The following UNC5D variants were observed in gnomAD, a reference collection of about 807,000 sequenced individuals.
The protein encoded by UNC5D is netrin receptor UNC5D.
UNC5D carries 39 observed loss-of-function variants against 105.4 expected under a neutral mutation model. The ratio of observed to expected loss-of-function variants is 0.37; its 90% CI spans 0.29 to 0.48. The LOEUF is 0.48. Among genes scored for constraint, UNC5D ranks in the 20% least tolerant of loss-of-function variants. The pLI, the probability that UNC5D is intolerant of heterozygous loss-of-function variation, is 0.98. For missense variants in UNC5D, 991 were observed against 1,202.4 expected, an observed-to-expected ratio of 0.82 and a Z score of 2.60; for synonymous variants, 452 against 450.4, an observed-to-expected ratio of 1.00 and a Z score of -0.04.
intron 1 of UNC5D, among the ~76,000 whole-genome samples, chr8:35,491,975 T>C (rs2130116719): frequency 6.6e-6 from 1 of 152,284 alleles, no homozygotes; most frequent in African/African-American, 2.4e-5. Flanking sequence ...GCAAAGAGTA[T>C]GATTTGACTC....
At chr8:35,603,103 G>T (rs1027390936) in intron 4 of UNC5D, among the ~76,000 whole-genome samples, 5 of 151,888 alleles carry the variant, frequency 3.3e-5, no homozygotes, top group African/African-American at 9.7e-5. Context: ...GAATGTGTTT[G>T]CTCTTGCTTC....
intron 1 of UNC5D, among the ~76,000 whole-genome samples, chr8:35,469,518 G>C (rs144356628): frequency 5.3e-5 from 8 of 152,136 alleles, no homozygotes; most frequent in Non-Finnish European, 1.0e-4. Context: ...GAAAGGGACC[G>C]TATAGCCTTG....
At chr8:35,556,376 G>A (rs973753550) in intron 2 of UNC5D, among the ~76,000 whole-genome samples, 2 of 152,060 alleles carry the variant, frequency 1.3e-5, no homozygotes, top group African/African-American at 2.4e-5. Context: ...CATTCAGGTC[G>A]CATTGTGTGT....
chr8:35,310,473 T>C (rs1420194066), intron 1 of UNC5D, among the ~76,000 whole-genome samples: 3 of 151,904 alleles, frequency 2.0e-5, no homozygotes, highest in Non-Finnish European at 2.9e-5. Flanking sequence ...TTCAAAAATC[T>C]GCCGGGTGTG....
chr8:35,794,238 T>C lies in UNC5D; in HGVS notation c.*3675T>C, dbSNP rs896410492. 3.9e-5 allele frequency: 6 copies of C among 152,196 alleles called. No homozygotes were observed. The highest frequency in any genetic ancestry group is 8.8e-5 in the Non-Finnish European group (6 of 68,022). 9.4% of individuals were successfully genotyped at this position (152,196 alleles called of 1,614,324 possible). A position where few individuals can be genotyped will look rare whatever the true frequency, so the allele number is the denominator to read the frequency against. ...CCCTCTGTAAATGTGTTGAGTGATA[T>C]AGCTATCAGATGTATTGAAGGCAAA... On this transcript the variant is annotated 3_prime_UTR_variant, in exon 17 of 17. Coordinates refer to ENST00000404895, the MANE Select transcript of UNC5D (RefSeq NM_080872.4).
chr8:35,248,163 T>C (rs1264056092), intron 1 of UNC5D, among the ~76,000 whole-genome samples: 1 of 18,124 alleles, frequency 5.5e-5, no homozygotes, highest in Non-Finnish European at 8.3e-5. Context: ...TATATAAATA[T>C]ATATTATATA....
At chr8:35,620,093 A>G (rs1468564757) in intron 4 of UNC5D, among the ~76,000 whole-genome samples, 1 of 152,206 alleles carries the variant, frequency 6.6e-6, no homozygotes, top group Non-Finnish European at 1.5e-5. Flanking sequence ...TCTTCATGTC[A>G]TTAGATGTCC....
chr8:35,717,776 T>TG (rs922043470), intron 8 of UNC5D, among the ~76,000 whole-genome samples: 7 of 152,158 alleles, frequency 4.6e-5, no homozygotes, highest in African/African-American at 1.7e-4. Context: ...GGTGAAGAGG[T>TG]GGTTACTAGC....
chr8:35,514,275 G>T (rs1023139195), intron 1 of UNC5D, among the ~76,000 whole-genome samples: 1 of 152,134 alleles, frequency 6.6e-6, no homozygotes, highest in Admixed American at 6.5e-5. Flanking sequence ...TCATTAACTT[G>T]CTGCAAACCC....
intron 16 of UNC5D, 109 bp downstream of exon 16, chr8:35,774,586 C>T: frequency 7.3e-7 from 1 of 1,369,694 alleles, no homozygotes; most frequent in Non-Finnish European, 9.9e-7. Flanking sequence ...TTATGAGTTC[C>T]TCTGGCCATA....
chr8:35,550,702 A>G (rs1207316109), intron 2 of UNC5D, among the ~76,000 whole-genome samples: 1 of 152,218 alleles, frequency 6.6e-6, no homozygotes, highest in Non-Finnish European at 1.5e-5. Flanking sequence ...AATATCTGAA[A>G]AGAAGAATAT....
At chr8:35,305,758 C>A (rs1246958940) in intron 1 of UNC5D, among the ~76,000 whole-genome samples, 1 of 144,880 alleles carries the variant, frequency 6.9e-6, no homozygotes, top group African/African-American at 2.6e-5. Context: ...TTCTTTCTTT[C>A]TTCCTCCCTC....
chr8:35,240,382 T>C (rs906052579), intron 1 of UNC5D, among the ~76,000 whole-genome samples: 1 of 152,240 alleles, frequency 6.6e-6, no homozygotes, highest in South Asian at 2.1e-4. Context: ...TATGAAATAA[T>C]ACTTACATGA....
intron 8 of UNC5D, among the ~76,000 whole-genome samples, chr8:35,715,250 G>C (rs1173717267): frequency 6.6e-6 from 1 of 152,106 alleles, no homozygotes; most frequent in Admixed American, 6.5e-5. Context: ...TATAGGAAAG[G>C]AAATATAATA....
chr8:35,236,877 T>G (rs980741432), intron 1 of UNC5D, among the ~76,000 whole-genome samples: 5 of 152,128 alleles, frequency 3.3e-5, no homozygotes, highest in Admixed American at 2.0e-4. Context: ...CCATCAGGCT[T>G]AGAATATGTG....
chr8:35,756,407 T>A (rs1344359573), intron 13 of UNC5D, among the ~76,000 whole-genome samples: 2 of 152,126 alleles, frequency 1.3e-5, no homozygotes, highest in African/African-American at 4.8e-5. Flanking sequence ...TTATCCATTC[T>A]GAGTTTCAAG....
At chr8:35,448,580 G>A (rs569470709) in intron 1 of UNC5D, among the ~76,000 whole-genome samples, 3 of 152,130 alleles carry the variant, frequency 2.0e-5, no homozygotes, top group East Asian at 3.9e-4. Flanking sequence ...CAGCAGAGGT[G>A]GGGCTCAGGA....
At chr8:35,262,542 G>A (rs1353249763) in intron 1 of UNC5D, among the ~76,000 whole-genome samples, 1 of 152,150 alleles carries the variant, frequency 6.6e-6, no homozygotes, top group Admixed American at 6.5e-5. Context: ...ATTGTATTCA[G>A]TAGGAAACAG....
At chr8:35,691,663 G>A (rs11985782) in intron 7 of UNC5D, among the ~76,000 whole-genome samples, 20,895 of 152,110 alleles carry the variant, frequency 0.14, 3,320 homozygotes, top group African/African-American at 0.38. Context: ...CTGTCAAGAA[G>A]CAAGAACTTG....
Sources: gnomAD v4.1 joint callset for allele counts (sites outside exome capture counted in the v4.1 genomes callset) on GRCh38, gnomAD v4.1.1 for gene constraint, MANE v1.5 for transcripts, NCBI Gene and HGNC (gene_info 2026-07-23, HGNC 2026-07-21) for gene names.